The following ZNF385D variants were observed in gnomAD, a reference collection of about 807,000 sequenced individuals.
ZNF385D encodes the protein zinc finger protein 659.
A neutral mutation model predicts 35.8 loss-of-function variants in ZNF385D; 15 were observed. The ratio of observed to expected loss-of-function variants is 0.42; its 90% confidence interval spans 0.28 to 0.64. ZNF385D has a LOEUF of 0.64. Ranked by LOEUF, ZNF385D falls within the 30% of genes least tolerant of loss-of-function variation. ZNF385D has a pLI of 0.23. For missense variants in ZNF385D, 474 were observed against 494.6 expected (o/e 0.96, Z 0.39); for synonymous variants, 212 against 186.8 (o/e 1.13, Z -1.10).
chr3:22,048,344 C>T (rs1699134490), intron 3 of ZNF385D, among the ~76,000 whole-genome samples: 1 of 152,158 alleles, frequency 6.6e-6, no homozygotes, highest in African/African-American at 2.4e-5. Flanking sequence ...AAACCAGTAT[C>T]ATGGGGCTTT....
At chr3:21,595,318 C>T (rs1026645137) in intron 2 of ZNF385D, among the ~76,000 whole-genome samples, 3 of 152,028 alleles carry the variant, frequency 2.0e-5, no homozygotes, top group Non-Finnish European at 4.4e-5. Context: ...CACTCTGGCA[C>T]ACCTGGGAGA....
intron 2 of ZNF385D, among the ~76,000 whole-genome samples, chr3:22,197,969 T>C (rs1010264336): frequency 1.3e-5 from 2 of 152,124 alleles, no homozygotes; most frequent in Admixed American, 1.3e-4. Context: ...ACAACCACTT[T>C]GTCATAGTTA....
intron 4 of ZNF385D, among the ~76,000 whole-genome samples, chr3:21,484,441 CTGGTCAG>C (rs1026631764): frequency 6.6e-6 from 1 of 152,198 alleles, no homozygotes; most frequent in Admixed American, 6.6e-5. Context: ...CCGCAGGAGT[CTGGTCAG>C]TGAACATCCA....
chr3:21,437,023 G>C lies in ZNF385D; in HGVS notation c.620C>G (p.Ser207Trp), dbSNP rs1193540507. 2 of 1,613,936 alleles carry C rather than the reference G, an allele frequency of 1.2e-6. No homozygotes were observed. The highest frequency in any genetic ancestry group is 2.7e-5 in the African/African-American group (2 of 75,016). Reference sequence around the variant, plus strand: ...AGAGTTGACAGCAACCTTGCATAGCGAACAGTAAAGAAGCCGTTTTGCCTT... The same window carrying C: ...AGAGTTGACAGCAACCTTGCATAGCCAACAGTAAAGAAGCCGTTTTGCCTT... ...EEKAKRLLYC[S>W]LCKVAVNSAS... Residue 207 changes from serine (S) to tryptophan (W), a missense_variant, in exon 5 of 8, where the codon TCG (serine) becomes TGG (tryptophan). Coordinates refer to ENST00000281523, the MANE Select transcript of ZNF385D (RefSeq NM_024697.3).
At chr3:21,850,877 C>G (rs966565606) in intron 3 of ZNF385D, among the ~76,000 whole-genome samples, 2 of 152,040 alleles carry the variant, frequency 1.3e-5, no homozygotes, top group East Asian at 3.9e-4. Flanking sequence ...AAATTAATTG[C>G]CTGCCAAAAC....
intron 3 of ZNF385D, among the ~76,000 whole-genome samples, chr3:21,951,712 C>T (rs1702074503): frequency 1.3e-5 from 2 of 151,516 alleles, no homozygotes; most frequent in Admixed American, 1.3e-4. Flanking sequence ...TTTATTCAGG[C>T]CCTACTTTTA....
At chr3:22,356,306 G>T (rs1330510135) in intron 2 of ZNF385D, among the ~76,000 whole-genome samples, 1 of 151,904 alleles carries the variant, frequency 6.6e-6, no homozygotes, top group Non-Finnish European at 1.5e-5. Flanking sequence ...ATTTCAATGG[G>T]TATGGTATGA....
intron 3 of ZNF385D, among the ~76,000 whole-genome samples, chr3:21,872,730 G>C (rs183693058): frequency 6.6e-6 from 1 of 151,952 alleles, no homozygotes; most frequent in South Asian, 2.1e-4. Flanking sequence ...CTTCTGAAGG[G>C]ATAAAAGCAT....
intron 3 of ZNF385D, chr3:21,978,297 T>G (rs1317662625): frequency 6.6e-6 from 1 of 152,214 alleles, no homozygotes; most frequent in Non-Finnish European, 1.5e-5. Context: ...AAAAAGTAAG[T>G]ACTAAATCAA....
At chr3:21,931,963 C>G (rs987824075) in intron 3 of ZNF385D, among the ~76,000 whole-genome samples, 7 of 151,636 alleles carry the variant, frequency 4.6e-5, no homozygotes, top group African/African-American at 1.5e-4. Flanking sequence ...AGATCAAGAT[C>G]GAGACCATCC....
intron 2 of ZNF385D, among the ~76,000 whole-genome samples, chr3:22,344,739 T>C (rs539673558): frequency 1.3e-5 from 2 of 152,298 alleles, no homozygotes; most frequent in East Asian, 1.9e-4. Flanking sequence ...TCTTTAACAG[T>C]AACATTTTAG....
chr3:21,928,503 C>T (rs1266761570), intron 3 of ZNF385D, among the ~76,000 whole-genome samples: 1 of 152,114 alleles, frequency 6.6e-6, no homozygotes, highest in African/African-American at 2.4e-5. Flanking sequence ...TAGAACTCTC[C>T]ACTGAGCAAC....
chr3:22,129,760 ACT>A (rs1348047368), intron 3 of ZNF385D, among the ~76,000 whole-genome samples: 8 of 151,874 alleles, frequency 5.3e-5, no homozygotes, highest in Non-Finnish European at 1.0e-4. Flanking sequence ...GCCTAAAAAC[ACT>A]CTCCAGGAGC....
intron 4 of ZNF385D, among the ~76,000 whole-genome samples, chr3:21,497,500 C>T (rs1263858974): frequency 6.6e-6 from 1 of 152,052 alleles, no homozygotes; most frequent in Non-Finnish European, 1.5e-5. Context: ...AATGCTATTC[C>T]TATCAAACTA....
At chr3:21,712,939 C>A (rs764432875) in intron 1 of ZNF385D, among the ~76,000 whole-genome samples, 1 of 152,202 alleles carries the variant, frequency 6.6e-6, no homozygotes, top group Non-Finnish European at 1.5e-5. Context: ...ATCACACACA[C>A]AAATACACAT....
At chr3:21,579,412 A>G (rs1159300331) in intron 2 of ZNF385D, 1 of 151,622 alleles carries the variant, frequency 6.6e-6, no homozygotes, top group Non-Finnish European at 1.5e-5. Flanking sequence ...TACATAAATT[A>G]TAGATGGCTA....
intron 3 of ZNF385D, among the ~76,000 whole-genome samples, chr3:21,546,488 G>T (rs113107442): frequency 0.02 from 3,055 of 152,048 alleles, 106 homozygotes; most frequent in African/African-American, 0.069. Flanking sequence ...CCTCTCCCTT[G>T]TTGGAGGAGG....
At chr3:21,977,747 G>A (rs1703725069) in intron 3 of ZNF385D, among the ~76,000 whole-genome samples, 1 of 151,986 alleles carries the variant, frequency 6.6e-6, no homozygotes, top group Admixed American at 6.6e-5. Context: ...GAAGCAAGAG[G>A]ATCGCTTGAG....
intron 3 of ZNF385D, among the ~76,000 whole-genome samples, chr3:21,994,304 T>C (rs1695329021): frequency 6.6e-6 from 1 of 152,238 alleles, no homozygotes; most frequent in Non-Finnish European, 1.5e-5. Context: ...GTTGAGATTA[T>C]GCCAAAGTGT....
Sources: allele counts gnomAD v4.1 joint callset (sites outside exome capture counted in the v4.1 genomes callset), GRCh38; gene constraint gnomAD v4.1.1; transcripts MANE v1.5; gene names NCBI Gene and HGNC (gene_info 2026-07-23, HGNC 2026-07-21).